The following WNT9B variants were observed in gnomAD, a reference collection of about 807,000 sequenced individuals.
The protein encoded by WNT9B is protein Wnt-9b.
A neutral mutation model predicts 30.2 loss-of-function variants in WNT9B; 12 were observed. The ratio of observed to expected loss-of-function variants is 0.40; its 90% confidence interval spans 0.26 to 0.64. The LOEUF is 0.64. WNT9B is among the 30% of genes least tolerant of loss of function. WNT9B has a pLI of 0.42. For missense variants in WNT9B, 442 were observed against 485.2 expected, an observed-to-expected ratio of 0.91 and a Z score of 0.84; for synonymous variants, 218 against 216.9, an observed-to-expected ratio of 1.01 and a Z score of -0.05.
chr17:46,864,950 C>T (rs113930136), intron 1 of WNT9B, among the ~76,000 whole-genome samples: 2,321 of 152,262 alleles, frequency 0.015, 62 homozygotes, highest in African/African-American at 0.051. Flanking sequence ...CCAGCTCTAA[C>T]GTATAATGGT....
At chr17:46,864,156 C>G (rs2085092865) in intron 1 of WNT9B, among the ~76,000 whole-genome samples, 1 of 152,196 alleles carries the variant, frequency 6.6e-6, no homozygotes, top group South Asian at 2.1e-4. Context: ...AGGGTGCATT[C>G]AAGAACCTGT....
chr17:46,849,849 C>CT (rs761797393), upstream of WNT9B, among the ~76,000 whole-genome samples: 9,275 of 145,654 alleles, frequency 0.064, 886 homozygotes, highest in African/African-American at 0.2. Context: ...CATTTAATAT[C>CT]TTTTTTTTTT....
chr17:46,834,540 C>T (rs2084601427), intron 1 of WNT9B, among the ~76,000 whole-genome samples: 1 of 152,142 alleles, frequency 6.6e-6, no homozygotes, highest in Non-Finnish European at 1.5e-5. Context: ...GCTGGCTTGC[C>T]CCTGATTTCA....
At chr17:46,866,023 A>G (rs1409378807) in intron 1 of WNT9B, among the ~76,000 whole-genome samples, 1 of 152,222 alleles carries the variant, frequency 6.6e-6, no homozygotes, top group Admixed American at 6.5e-5. Flanking sequence ...GCATAAAGGT[A>G]GGAAGGTTGG....
intron 1 of WNT9B, among the ~76,000 whole-genome samples, chr17:46,856,921 C>T (rs1457319688): frequency 6.6e-6 from 1 of 152,188 alleles, no homozygotes; most frequent in Non-Finnish European, 1.5e-5. Flanking sequence ...GCAATCAACC[C>T]TCTCCCACCA....
intron 1 of WNT9B, among the ~76,000 whole-genome samples, chr17:46,859,209 C>A (rs776953640): frequency 1.3e-5 from 2 of 152,136 alleles, no homozygotes; most frequent in Non-Finnish European, 2.9e-5. Flanking sequence ...CTCCTGACCT[C>A]AGGTGATCCA....
At chr17:46,857,366 T>C (rs1309578372) in intron 1 of WNT9B, among the ~76,000 whole-genome samples, 1 of 150,418 alleles carries the variant, frequency 6.6e-6, no homozygotes, top group Admixed American at 6.7e-5. Flanking sequence ...TCCCAGCTAC[T>C]CAGGAGGCTG....
In WNT9B at chr17:46,872,624, G is replaced by T. The variant is rs138915734; in HGVS notation, c.185G>T (p.Arg62Leu). ...CAGTGTGACCTGCTGAAGCTGTCCC[G>T]GCGGCAGAAGCAGCTCTGCCGGAGG... ...LKQCDLLKLSRRQKQLCRREP... is the reference protein window; with the variant it reads ...LKQCDLLKLSLRQKQLCRREP... The change falls in exon 2 of 4, where the codon CGG becomes CTG. Residue 62 changes from arginine to leucine, a missense_variant. Physicochemically the swap from Arg to Leu is moderately radical, Grantham distance 102. Coordinates refer to ENST00000290015, the MANE Select transcript of WNT9B (RefSeq NM_003396.3). The T allele has an allele frequency of 6.2e-7, 1 of 1,613,414 alleles. No homozygotes were observed. Among genetic ancestry groups the T allele is most frequent in the Non-Finnish European group, 8.5e-7 (1 of 1,179,852 alleles).
Position 46,877,180 on chromosome 17 carries a change from G to A in WNT9B, c.*462G>A, listed in dbSNP as rs2085359956. 2 of 685,002 alleles carry A rather than the reference G, an allele frequency of 2.9e-6. No homozygotes were observed. Among genetic ancestry groups the A allele is most frequent in the African/African-American group, 2.0e-5 (1 of 51,248 alleles). The allele number at this position is 685,002 out of a possible 1,614,324, so 42.4% of individuals were successfully genotyped here. ...GAAGGCGGGAGCCTGGCTGAGATGGGTCAATCGGGTCCTGTGGCCCTGCTC... is the reference window on the plus strand; with the variant it reads ...GAAGGCGGGAGCCTGGCTGAGATGGATCAATCGGGTCCTGTGGCCCTGCTC... On this transcript the variant is annotated 3_prime_UTR_variant, in exon 4 of 4. Coordinates refer to ENST00000290015, the MANE Select transcript of WNT9B (RefSeq NM_003396.3).
downstream of WNT9B, among the ~76,000 whole-genome samples, chr17:46,882,137 C>G (rs1221560501): frequency 6.6e-6 from 1 of 152,162 alleles, no homozygotes; most frequent in Non-Finnish European, 1.5e-5. Flanking sequence ...GCCTGAGCGA[C>G]AGAGTGAGAC....
rs746394872 is a variant in WNT9B at position 46,876,523 on chromosome 17, C to T, written c.879C>T (p.Pro293=). The T allele has an allele frequency of 3.1e-6, 5 of 1,613,654 alleles. No homozygotes were observed. The East Asian group carries it at 1.1e-4, about 36-fold the overall frequency. The change falls in exon 4 of 4, where the codon CCC becomes CCT. Residue 293 remains proline, a synonymous_variant. Transcript: ENST00000290015. ...AGGACTCACCCAGCTTCTGCCGGCCCAGCAAGTACTCACCTGGCACAGCAG... is the reference window on the plus strand; with the variant it reads ...AGGACTCACCCAGCTTCTGCCGGCCTAGCAAGTACTCACCTGGCACAGCAG... ...YMEDSPSFCR[P]SKYSPGTAGR... is the part of the protein sequence containing the mutation.
chr17:46,833,526 G>A (rs966143246), intron 1 of WNT9B: 10 of 438,364 alleles, frequency 2.3e-5, no homozygotes, highest in African/African-American at 4.0e-5. Context: ...TGAGCTTTCC[G>A]AGACACTGCT....
In WNT9B at chr17:46,875,287, G is replaced by C; in HGVS notation, c.521G>C (p.Ser174Thr). ...DNLKYSTKFLSNFLGSKRGNK... is the reference protein window; with the variant it reads ...DNLKYSTKFLTNFLGSKRGNK... ...CTCAAGTACAGCACCAAGTTTCTGAGCAACTTCCTGGGGTCCAAGAGAGGA... is the reference window on the plus strand; with the variant it reads ...CTCAAGTACAGCACCAAGTTTCTGACCAACTTCCTGGGGTCCAAGAGAGGA... Residue 174 changes from serine to threonine, a missense_variant, in exon 3 of 4, where the codon AGC (serine) becomes ACC (threonine). Transcript: ENST00000290015. The C allele has an allele frequency of 6.2e-7, 1 of 1,614,168 alleles. No homozygotes were observed. The highest frequency in any genetic ancestry group is 8.5e-7 in the Non-Finnish European group (1 of 1,180,010).
intron 1 of WNT9B, among the ~76,000 whole-genome samples, chr17:46,862,287 G>C (rs928828458): frequency 6.6e-6 from 1 of 152,246 alleles, no homozygotes; most frequent in Middle Eastern, 3.4e-3. Context: ...GAAAGGTAAC[G>C]TATCGTATAT....
At chr17:46,873,086 T>TCACACACACACACACACA (rs61118325) in intron 2 of WNT9B, among the ~76,000 whole-genome samples, 1 of 139,820 alleles carries the variant, frequency 7.2e-6, no homozygotes, top group African/African-American at 2.7e-5. Context: ...CTCTGCCTCT[T>TCACACACACACACACACA]CACACACACA....
intron 1 of WNT9B, among the ~76,000 whole-genome samples, chr17:46,835,027 C>T (rs1237741740): frequency 5.9e-5 from 9 of 152,114 alleles, no homozygotes; most frequent in Non-Finnish European, 1.3e-4. Flanking sequence ...CAGGATCTCG[C>T]TCTGTTGTCC....
chr17:46,834,791 G>T (rs2084605421), intron 1 of WNT9B, among the ~76,000 whole-genome samples: 1 of 152,046 alleles, frequency 6.6e-6, no homozygotes, highest in Admixed American at 6.6e-5. Context: ...GCTCCTCAAG[G>T]GCTTCCCCCA....
chr17:46,849,745 A>C (rs529802948), upstream of WNT9B, among the ~76,000 whole-genome samples: 3 of 152,216 alleles, frequency 2.0e-5, no homozygotes, highest in African/African-American at 7.2e-5. Context: ...GACCACCATC[A>C]ACCCTCCTTG....
At chr17:46,868,379 G>T (rs2085177113) in intron 1 of WNT9B, among the ~76,000 whole-genome samples, 1 of 151,902 alleles carries the variant, frequency 6.6e-6, no homozygotes, top group South Asian at 2.1e-4. Flanking sequence ...ATCACATGAG[G>T]TCAGGAGTTC....
Sources: allele counts gnomAD v4.1 joint callset (sites outside exome capture counted in the v4.1 genomes callset), GRCh38; gene constraint gnomAD v4.1.1; transcripts MANE v1.5; gene names NCBI Gene and HGNC (gene_info 2026-07-23, HGNC 2026-07-21).